The following C3orf33 variants were observed in gnomAD, a reference collection of about 807,000 sequenced individuals.
C3orf33 encodes mitochondrial inner membrane subdomain organizer 1.
In C3orf33, 23 loss-of-function variants were observed where a neutral mutation model predicts 28.7. The observed-to-expected ratio is 0.80, with a 90% confidence interval of 0.58 to 1.13. The LOEUF (loss-of-function observed/expected upper bound fraction) is 1.13, where lower values mean the gene tolerates loss of function less well. Among genes scored for constraint, C3orf33 ranks in the 50% most tolerant of loss-of-function variants. The pLI is 0.00. For missense variants in C3orf33, 327 were observed against 353.4 expected, an observed-to-expected ratio of 0.93 and a Z score of 0.60; for synonymous variants, 119 against 120.5, an observed-to-expected ratio of 0.99 and a Z score of 0.08.
chr3:155,772,184 G>A lies in C3orf33; in HGVS notation c.322+3517C>T, dbSNP rs1427449284. Among the ~76,000 whole-genome samples the A allele has an allele frequency of 2.6e-5, 4 of 152,182 alleles. No homozygotes were observed. The East Asian group carries it at 7.7e-4, about 29-fold the overall frequency. ...CGCACCACTGCACTCCAGCCTGGGTGACAGAGCAAGACCCAGTCTCAAAAT... is the reference window on the plus strand; with the variant it reads ...CGCACCACTGCACTCCAGCCTGGGTAACAGAGCAAGACCCAGTCTCAAAAT... On this transcript the variant is annotated intron_variant, in intron 3 of 4. Coordinates refer to ENST00000340171, the MANE Select transcript of C3orf33 (RefSeq NM_001308229.2).
At chr3:155,764,462 T>C (rs1396952274) in intron 4 of C3orf33, among the ~76,000 whole-genome samples, 3 of 152,110 alleles carry the variant, frequency 2.0e-5, no homozygotes, top group South Asian at 2.1e-4. Flanking sequence ...TCTTGGCCAT[T>C]GAGTCTTCAT....
intron 2 of C3orf33, among the ~76,000 whole-genome samples, chr3:155,779,208 T>C (rs1430208086): frequency 6.6e-6 from 1 of 152,180 alleles, no homozygotes; most frequent in Non-Finnish European, 1.5e-5. Context: ...AGGTAACGCT[T>C]TTAGGAACAA....
chr3:155,774,315 G>A (rs1750673644), intron 3 of C3orf33, among the ~76,000 whole-genome samples: 3 of 152,152 alleles, frequency 2.0e-5, no homozygotes, highest in Admixed American at 2.0e-4. Flanking sequence ...AATTGTTGTG[G>A]GGTATAGCAA....
At position 155,804,088 on chromosome 3, in the gene C3orf33, A is replaced by G. The variant is rs193225358; in HGVS notation, c.115-1497T>C. The G allele has an allele frequency of 2.5e-4, 85 of 335,890 alleles. 2 individuals are homozygous for G. The East Asian group carries it at 6.3e-3, about 25-fold the overall frequency. The allele number at this position is 335,890 out of a possible 1,614,324, so 20.8% of individuals were successfully genotyped here. ...CTACTCAGGAGGGTGAGGCAGGACAATCACTTGAACCTGGGAGGCAGAGGT... is the reference window on the plus strand; with the variant it reads ...CTACTCAGGAGGGTGAGGCAGGACAGTCACTTGAACCTGGGAGGCAGAGGT... On this transcript the variant is annotated intron_variant, in intron 1 of 4. Coordinates refer to ENST00000340171, the MANE Select transcript of C3orf33 (RefSeq NM_001308229.2).
At chr3:155,781,097 A>G (rs1750908468) in intron 2 of C3orf33, among the ~76,000 whole-genome samples, 2 of 149,708 alleles carry the variant, frequency 1.3e-5, no homozygotes, top group Admixed American at 1.3e-4. Flanking sequence ...TCCCGGGTTC[A>G]CGCCATTCTC....
chr3:155,770,926 G>A (rs189165869), intron 3 of C3orf33, among the ~76,000 whole-genome samples: 9 of 148,432 alleles, frequency 6.1e-5, no homozygotes, highest in Non-Finnish European at 1.2e-4. Flanking sequence ...TGCCCACCTC[G>A]GTCTCCCAAA....
chr3:155,785,757 G>A (rs1217560057), intron 2 of C3orf33, among the ~76,000 whole-genome samples: 1 of 152,104 alleles, frequency 6.6e-6, no homozygotes, highest in Non-Finnish European at 1.5e-5. Flanking sequence ...AAGAAAAATA[G>A]TCCAGATGCA....
chr3:155,769,315 A>G (rs1293552864), intron 3 of C3orf33, among the ~76,000 whole-genome samples: 3 of 98,124 alleles, frequency 3.1e-5, no homozygotes, highest in African/African-American at 8.9e-5. Context: ...TCCCTCTCAA[A>G]AAAAAAAAAA....
At chr3:155,782,201 C>T (rs115737759) in intron 2 of C3orf33, among the ~76,000 whole-genome samples, 16 of 148,184 alleles carry the variant, frequency 1.1e-4, no homozygotes, top group African/African-American at 2.5e-4. Context: ...ATTGAGTCTG[C>T]GGAACAGAAA....
At chr3:155,787,918 G>A (rs1225756796) in intron 2 of C3orf33, among the ~76,000 whole-genome samples, 18 of 152,076 alleles carry the variant, frequency 1.2e-4, no homozygotes, top group Middle Eastern at 3.2e-3. Flanking sequence ...TAGGCCGGGC[G>A]CGGTGGCTCA....
Position 155,775,686 on chromosome 3 carries a change from T to G in C3orf33, c.322+15A>C, listed in dbSNP as rs780667938. The G allele has an allele frequency of 2.0e-6, 3 of 1,485,208 alleles. No homozygotes were observed. Among genetic ancestry groups the G allele is most frequent in the Non-Finnish European group, 2.8e-6 (3 of 1,088,504 alleles). The allele number at this position is 1,485,208 out of a possible 1,614,324, so 92.0% of individuals were successfully genotyped here. A position where few individuals can be genotyped will look rare whatever the true frequency, so the allele number is the denominator to read the frequency against. ...ACCACAATAGTTAGTTTCATTAATC[T>G]TGTACCTTACTTACTTCTCAATGAA... On this transcript the variant is annotated intron_variant, in intron 3 of 4. Coordinates refer to ENST00000340171, the MANE Select transcript of C3orf33 (RefSeq NM_001308229.2).
intron 2 of C3orf33, among the ~76,000 whole-genome samples, chr3:155,780,994 T>TC (rs1267300834): frequency 6.8e-6 from 1 of 146,894 alleles, no homozygotes; most frequent in Non-Finnish European, 1.5e-5. Flanking sequence ...CTAGACTTCT[T>TC]TTTTTTTTTT....
intron 2 of C3orf33, among the ~76,000 whole-genome samples, chr3:155,783,393 G>C (rs553217724): frequency 4.4e-4 from 67 of 151,310 alleles, no homozygotes; most frequent in African/African-American, 1.6e-3. Context: ...GACCTCAGGT[G>C]ATCCACCCAC....
intron 2 of C3orf33, among the ~76,000 whole-genome samples, chr3:155,785,993 T>C (rs1293054771): frequency 6.7e-5 from 10 of 148,892 alleles, no homozygotes; most frequent in African/African-American, 2.5e-4. Flanking sequence ...TGAGCCATGG[T>C]AGTGCCACTG....
chr3:155,793,395 AAAC>A (rs1751375074), intron 2 of C3orf33, among the ~76,000 whole-genome samples: 1 of 151,872 alleles, frequency 6.6e-6, no homozygotes, highest in Non-Finnish European at 1.5e-5. Flanking sequence ...GAAAGAAAAA[AAAC>A]GGATGTTAAT....
chr3:155,787,892 T>C lies in C3orf33; in HGVS notation c.175-12044A>G, dbSNP rs185008532. Among the ~76,000 whole-genome samples the C allele has an allele frequency of 4.2e-4, 64 of 151,854 alleles. 1 individual carries two copies. The highest frequency in any genetic ancestry group is 5.3e-4 in the Non-Finnish European group (36 of 67,926). On this transcript the variant is annotated intron_variant, in intron 2 of 4. Coordinates refer to ENST00000340171, the MANE Select transcript of C3orf33 (RefSeq NM_001308229.2). ...TGAAATGCAAGAATGATCCAACATA[T>C]AAAAATCAACCAGTATAGGCCGGGC...
At chr3:155,804,212 C>T (rs1348870488) in intron 1 of C3orf33, 3 of 422,398 alleles carry the variant, frequency 7.1e-6, no homozygotes, top group East Asian at 8.3e-5. Flanking sequence ...TGAAAATATG[C>T]ACAAAGGTAC....
intron 1 of C3orf33, among the ~76,000 whole-genome samples, chr3:155,802,855 A>G (rs1751690320): frequency 1.3e-5 from 2 of 152,134 alleles, no homozygotes; most frequent in Non-Finnish European, 2.9e-5. Flanking sequence ...ATATATACAT[A>G]CATGTATATG....
chr3:155,783,723 T>C (rs1751013895), intron 2 of C3orf33, among the ~76,000 whole-genome samples: 1 of 152,000 alleles, frequency 6.6e-6, no homozygotes. Context: ...CGCTTTGGCC[T>C]CCCAAAGTGC....
Sources: allele counts gnomAD v4.1 joint callset (sites outside exome capture counted in the v4.1 genomes callset), GRCh38; gene constraint gnomAD v4.1.1; transcripts MANE v1.5; gene names NCBI Gene and HGNC (gene_info 2026-07-23, HGNC 2026-07-21).